Variants in KIAA0319 observed in about 807,000 individuals in gnomAD.
The protein encoded by KIAA0319 is KIAA0319, also known as dyslexia-associated protein KIAA0319.
Under a neutral mutation model 108.4 loss-of-function variants are expected in KIAA0319, and 83 were observed. The ratio of observed to expected loss-of-function variants is 0.77; its 90% CI spans 0.64 to 0.92. KIAA0319 has a LOEUF of 0.92. KIAA0319 is among the 40% of genes least tolerant of loss of function. KIAA0319 has a pLI of 0.00. For missense variants in KIAA0319, 1,195 were observed against 1,322.4 expected (o/e 0.90, Z 1.49); for synonymous variants, 484 against 510.4 (o/e 0.95, Z 0.70).
intron 1 of KIAA0319, among the ~76,000 whole-genome samples, chr6:24,608,147 G>A (rs1002244710): frequency 6.6e-6 from 1 of 151,942 alleles, no homozygotes; most frequent in African/African-American, 2.4e-5. Flanking sequence ...AAGACCTAAG[G>A]CTGACTTTAA....
chr6:24,612,344 G>A (rs541857157), intron 1 of KIAA0319, among the ~76,000 whole-genome samples: 4 of 151,862 alleles, frequency 2.6e-5, no homozygotes, highest in South Asian at 2.1e-4. Context: ...CCAGCTACTC[G>A]GGAGGCTGAG....
chr6:24,597,242 G>A (rs1769791461), intron 2 of KIAA0319, among the ~76,000 whole-genome samples: 1 of 152,148 alleles, frequency 6.6e-6, no homozygotes, highest in African/African-American at 2.4e-5. Flanking sequence ...ATAGCATCAT[G>A]TCTCTGTTTT....
intron 1 of KIAA0319, among the ~76,000 whole-genome samples, chr6:24,633,768 C>A (rs1308446517): frequency 6.6e-6 from 1 of 151,812 alleles, no homozygotes; most frequent in East Asian, 1.9e-4. Context: ...ATTATTAGAT[C>A]AAAAAAATCT....
At chr6:24,597,697 C>G (rs142630743) in intron 2 of KIAA0319, among the ~76,000 whole-genome samples, 232 of 152,058 alleles carry the variant, frequency 1.5e-3, no homozygotes, top group Non-Finnish European at 1.7e-3. Context: ...TGTGGGAATA[C>G]TAGTTACTTG....
Position 24,551,503 on chromosome 6 carries a change from TC to T in KIAA0319, c.2970del (p.Thr993GlnfsTer17). The T allele has an allele frequency of 6.2e-7, 1 of 1,611,208 alleles. No individual in the cohort carries two copies. On this transcript the variant is annotated frameshift_variant, in exon 20 of 21. Transcript: ENST00000378214. LOFTEE classifies it high-confidence loss of function. ...TCCAGGATGGTGTACTTTGTTTTTT[TC>T]CTGATTTTAGTCCTTTTTTGTCTGA... is the stretch of plus-strand genomic sequence containing the variant. ...CCKRQKRTKI[R>X]KKTKYTILDN...
rs369134381 is a variant in KIAA0319, at chr6:24,554,621, T to C, written c.2868A>G (p.Ile956Met). ...WDGESNCEWS[I>M]FYVTVLAFTL... ...TAAAAGCCAACACTGTCACATAGAA[T>C]ATACTCCACTCTGAAACACAAGAAA... Residue 956 changes from isoleucine to methionine, a missense_variant, in exon 19 of 21, where the codon ATA becomes ATG. Ile to Met is a conservative substitution (Grantham distance 10). Coordinates refer to ENST00000378214, the MANE Select transcript of KIAA0319 (RefSeq NM_014809.4). 57 of 1,612,572 alleles carry C rather than the reference T, an allele frequency of 3.5e-5. No homozygotes were observed. The East Asian group carries it at 8.2e-4, about 23-fold the overall frequency.
chr6:24,604,926 T>C (rs1472781985), intron 1 of KIAA0319, among the ~76,000 whole-genome samples: 4 of 152,082 alleles, frequency 2.6e-5, no homozygotes, highest in African/African-American at 9.7e-5. Context: ...CAGCAACCTC[T>C]TCCTCCCGGG....
At chr6:24,544,072 C>G (rs1760328755), downstream of KIAA0319, 1 of 152,234 alleles carries the variant, frequency 6.6e-6, no homozygotes, top group Admixed American at 6.5e-5. Context: ...AACATAAGAA[C>G]AGCCATAGAT....
At chr6:24,635,639 C>G (rs981219035) in intron 1 of KIAA0319, among the ~76,000 whole-genome samples, 5 of 152,140 alleles carry the variant, frequency 3.3e-5, no homozygotes, top group Non-Finnish European at 7.3e-5. Flanking sequence ...CCAAAAGCAG[C>G]TTACAGGAGC....
rs111677003 is a variant in KIAA0319 at position 24,569,977 on chromosome 6, C to T, written c.1917G>A (p.Val639=). 1.1e-5 allele frequency: 17 copies of T among 1,614,026 alleles called. No homozygotes were observed. The highest frequency in any genetic ancestry group is 1.4e-5 in the Non-Finnish European group (16 of 1,180,002). Residue 639 remains valine, a synonymous_variant, in exon 12 of 21, where the codon GTG becomes GTA. Coordinates refer to ENST00000378214, the MANE Select transcript of KIAA0319 (RefSeq NM_014809.4). The part of the protein sequence containing the change: ...AGPDKELIFP[V]ESATLDGSSS... ...TGCTCCCATCCAGGGTAGCACTTTC[C>T]ACTGGGAAGATCAGCTCTTTATCAG...
At position 24,580,995 on chromosome 6, in the gene KIAA0319, C is replaced by T. The variant is rs1301575927; in HGVS notation, c.1210G>A (p.Val404Ile). 3 of 1,610,176 alleles carry T rather than the reference C, an allele frequency of 1.9e-6. No individual in the cohort carries two copies. In the African/African-American group the frequency reaches 4.0e-5, roughly 22 times the overall value. ...NLSQLSVGLY[V>I]FKVTVSSENA... Reference sequence around the variant, plus strand: ...TCACTAGAAACAGTGACTTTGAAGACATAAAGTCCGACGGACAACTGTAAC... The same window carrying T: ...TCACTAGAAACAGTGACTTTGAAGATATAAAGTCCGACGGACAACTGTAAC... Residue 404 changes from valine to isoleucine, a missense_variant, in exon 7 of 21, where the codon GTC becomes ATC. Physicochemically the swap from Val to Ile is conservative, Grantham distance 29 (BLOSUM62 3). Coordinates refer to ENST00000378214, the MANE Select transcript of KIAA0319 (RefSeq NM_014809.4).
At position 24,574,857 on chromosome 6, in the gene KIAA0319, A is replaced by G. The variant is rs368169703; in HGVS notation, c.1734+1511T>C. Among the ~76,000 whole-genome samples, 25 of 152,362 alleles carry G rather than the reference A, an allele frequency of 1.6e-4. 1 individual carries two copies. The highest frequency in any genetic ancestry group is 6.8e-3 in the Middle Eastern group (2 of 294). ...GTAAGGCAAAGCACGTTTCTCTGAAAAGTTCAACAGGGAAAGTATAATTTC... is the reference window on the plus strand; with the variant it reads ...GTAAGGCAAAGCACGTTTCTCTGAAGAGTTCAACAGGGAAAGTATAATTTC... On this transcript the variant is annotated intron_variant, in intron 10 of 20. Transcript: ENST00000378214.
Position 24,596,631 on chromosome 6 carries a change from T to C in KIAA0319, c.56-13A>G. On this transcript the variant is annotated splice_polypyrimidine_tract_variant and intron_variant, in intron 2 of 20. Coordinates refer to ENST00000378214, the MANE Select transcript of KIAA0319 (RefSeq NM_014809.4). Reference sequence around the variant, plus strand: ...TTACGGGCACAACCTTTAAACAAAGTAGTTTCTAATGAGGGAGAGAGGCAT... The same window carrying C: ...TTACGGGCACAACCTTTAAACAAAGCAGTTTCTAATGAGGGAGAGAGGCAT... 6.3e-7 allele frequency: 1 copy of C among 1,579,280 alleles called. No homozygotes were observed. The highest frequency in any genetic ancestry group is 8.6e-7 in the Non-Finnish European group (1 of 1,159,166).
At chr6:24,570,385 A>G (rs1764542495) in intron 11 of KIAA0319, among the ~76,000 whole-genome samples, 1 of 152,082 alleles carries the variant, frequency 6.6e-6, no homozygotes, top group Admixed American at 6.5e-5. Context: ...TCAGGAGATC[A>G]AGACCATCCT....
At chr6:24,595,225 C>T (rs1769278106) in intron 3 of KIAA0319, among the ~76,000 whole-genome samples, 1 of 152,108 alleles carries the variant, frequency 6.6e-6, no homozygotes, top group Non-Finnish European at 1.5e-5. Flanking sequence ...GCCCCAGGGA[C>T]TTCTATACCA....
rs1341452189 is a variant in KIAA0319 at position 24,553,270 on chromosome 6, G to GATATATATATATAT, written c.2948+1270_2948+1271insATATATATATATAT. On this transcript the variant is annotated intron_variant, in intron 19 of 20. Coordinates refer to ENST00000378214, the MANE Select transcript of KIAA0319 (RefSeq NM_014809.4). ...TGTAAGGCCACTTAGGTACTTGTGA[G>GATATATATATATAT]ATAGATATATATATATATATATATA... Among the ~76,000 whole-genome samples the GATATATATATATAT allele has an allele frequency of 2.4e-4, 25 of 105,932 alleles. 2 individuals are homozygous for GATATATATATATAT. The highest frequency in any genetic ancestry group is 1.1e-3 in the African/African-American group (23 of 21,300). 69.5% of individuals were successfully genotyped at this position (105,932 alleles called of 152,430 possible). A position where few individuals can be genotyped will look rare whatever the true frequency, so the allele number is the denominator to read the frequency against.
chr6:24,590,359 C>G (rs1165580484), intron 3 of KIAA0319, among the ~76,000 whole-genome samples: 1 of 149,982 alleles, frequency 6.7e-6, no homozygotes, highest in African/African-American at 2.5e-5. Context: ...CTAAGGGAAA[C>G]CAATTGACCA....
chr6:24,549,457 G>C (rs540863783), intron 20 of KIAA0319, among the ~76,000 whole-genome samples: 1 of 152,008 alleles, frequency 6.6e-6, no homozygotes, highest in Non-Finnish European at 1.5e-5. Context: ...CCAGCCTCCA[G>C]AACTGTGGGT....
intron 1 of KIAA0319, among the ~76,000 whole-genome samples, chr6:24,618,627 C>T (rs796565124): frequency 4.0e-5 from 6 of 151,650 alleles, no homozygotes; most frequent in African/African-American, 1.5e-4. Flanking sequence ...CACCCCCAAA[C>T]AACAACAACA....
Sources: allele counts gnomAD v4.1 joint callset (sites outside exome capture counted in the v4.1 genomes callset), GRCh38; gene constraint gnomAD v4.1.1; transcripts MANE v1.5; gene names NCBI Gene and HGNC (gene_info 2026-07-23, HGNC 2026-07-21).